RAB2A: variants seen among roughly 807,000 people sequenced by gnomAD.
RAB2A encodes the protein RAB2A, member RAS oncogene family, also known as ras-related protein Rab-2A.
A neutral mutation model predicts 32.5 loss-of-function variants in RAB2A; 7 were observed. That is an observed-to-expected ratio of 0.22 (90% CI 0.12 to 0.40). RAB2A has a LOEUF of 0.40. Among genes scored for constraint, RAB2A ranks in the 10% least tolerant of loss-of-function variants. The pLI is 1.00. For synonymous variants in RAB2A, 79 were observed against 85.2 expected (o/e 0.93, Z 0.40); for missense variants, 108 against 260.7 (o/e 0.41, Z 4.03).
intron 6 of RAB2A, among the ~76,000 whole-genome samples, chr8:60,594,278 G>T (rs375821757): frequency 2.0e-5 from 3 of 152,074 alleles, no homozygotes; most frequent in African/African-American, 7.2e-5. Flanking sequence ...ATTGAAGACA[G>T]CCCCAAAGAG....
intron 1 of RAB2A, among the ~76,000 whole-genome samples, chr8:60,545,047 C>T (rs1807706674): frequency 2.6e-5 from 4 of 152,104 alleles, no homozygotes; most frequent in Non-Finnish European, 2.9e-5. Flanking sequence ...GCCTGACTTG[C>T]GTTTTCACAT....
chr8:60,580,560 A>T (rs2130846436), intron 3 of RAB2A, among the ~76,000 whole-genome samples: 1 of 152,340 alleles, frequency 6.6e-6, no homozygotes, highest in East Asian at 1.9e-4. Context: ...TTTATTTATT[A>T]TAAAGTAATC....
chr8:60,606,123 TG>T (rs1456431388), intron 6 of RAB2A, among the ~76,000 whole-genome samples: 1 of 151,998 alleles, frequency 6.6e-6, no homozygotes, highest in Non-Finnish European at 1.5e-5. Context: ...CACTCCAGCC[TG>T]GGTGACAGAG....
At chr8:60,588,883 TAAG>T (rs1184848569) in intron 5 of RAB2A, among the ~76,000 whole-genome samples, 4 of 152,196 alleles carry the variant, frequency 2.6e-5, no homozygotes, top group Admixed American at 2.0e-4. Context: ...GATTTGCTAT[TAAG>T]AGAAAATATT....
intron 6 of RAB2A, among the ~76,000 whole-genome samples, chr8:60,614,462 GGC>G (rs1804415227): frequency 6.6e-6 from 1 of 152,008 alleles, no homozygotes; most frequent in Admixed American, 6.6e-5. Flanking sequence ...ACATTGCCCA[GGC>G]TGGTCTCAAA....
chr8:60,542,953 C>G (rs1005621438), intron 1 of RAB2A, among the ~76,000 whole-genome samples: 5 of 152,180 alleles, frequency 3.3e-5, no homozygotes, highest in Non-Finnish European at 7.3e-5. Flanking sequence ...GAATAACTAT[C>G]TCTTCTCTTC....
intron 1 of RAB2A, among the ~76,000 whole-genome samples, chr8:60,524,831 ATTC>A (rs1377822980): frequency 6.6e-6 from 1 of 152,066 alleles, no homozygotes; most frequent in Non-Finnish European, 1.5e-5. Context: ...TCTAAAATTG[ATTC>A]TTCTTTTTCT....
At chr8:60,553,228 G>A (rs73259456) in intron 1 of RAB2A, among the ~76,000 whole-genome samples, 9,696 of 152,210 alleles carry the variant, frequency 0.064, 806 homozygotes, top group African/African-American at 0.19. Flanking sequence ...GTGATTTTGG[G>A]GGCTGGACAA....
At chr8:60,617,038 G>A (rs992688041) in intron 6 of RAB2A, among the ~76,000 whole-genome samples, 1 of 152,194 alleles carries the variant, frequency 6.6e-6, no homozygotes, top group Non-Finnish European at 1.5e-5. Flanking sequence ...TGGTAATGGA[G>A]TATAGCTTTC....
At chr8:60,599,537 C>G (rs544735936) in intron 6 of RAB2A, among the ~76,000 whole-genome samples, 6 of 152,252 alleles carry the variant, frequency 3.9e-5, no homozygotes, top group African/African-American at 1.4e-4. Flanking sequence ...TCAAGTTTTG[C>G]TTAGCCAGTC....
At chr8:60,550,488 G>A (rs556871967) in intron 1 of RAB2A, among the ~76,000 whole-genome samples, 3 of 151,608 alleles carry the variant, frequency 2.0e-5, no homozygotes, top group Non-Finnish European at 4.4e-5. Flanking sequence ...AGGTTCAAGC[G>A]ATCCTCCCAC....
intron 2 of RAB2A, among the ~76,000 whole-genome samples, chr8:60,567,730 A>T (rs1162243442): frequency 7.1e-6 from 1 of 140,530 alleles, no homozygotes; most frequent in Admixed American, 6.8e-5. Flanking sequence ...AAGTTTGGAG[A>T]TTGTATAGAT....
chr8:60,528,802 T>C (rs966781128), intron 1 of RAB2A, among the ~76,000 whole-genome samples: 9 of 152,174 alleles, frequency 5.9e-5, no homozygotes, highest in Non-Finnish European at 1.2e-4. Context: ...GTCAAACTCC[T>C]GGCCTCAAGT....
intron 3 of RAB2A, among the ~76,000 whole-genome samples, chr8:60,574,495 G>A (rs767129069): frequency 1.3e-5 from 2 of 152,218 alleles, no homozygotes; most frequent in South Asian, 2.1e-4. Flanking sequence ...TTTTGAAAAG[G>A]AAAGGTTAAT....
In RAB2A at chr8:60,620,836, G is replaced by C. The variant is rs1586121237; in HGVS notation, c.*67G>C. 7.6e-6 allele frequency: 10 copies of C among 1,318,370 alleles called. No individual in the cohort carries two copies. In the Admixed American group the frequency reaches 2.3e-4, roughly 31 times the overall value. The allele number at this position is 1,318,370 out of a possible 1,614,324, so 81.7% of individuals were successfully genotyped here. On this transcript the variant is annotated 3_prime_UTR_variant, in exon 8 of 8. Transcript: ENST00000262646. ...TTATTCTTTCACCCCCTCTCCTCCT[G>C]CTCAGCTGAGACATGAAACTATTTG...
At chr8:60,549,618 G>C (rs1807813299) in intron 1 of RAB2A, among the ~76,000 whole-genome samples, 1 of 151,890 alleles carries the variant, frequency 6.6e-6, no homozygotes, top group African/African-American at 2.4e-5. Flanking sequence ...GAAAGGGGGA[G>C]GATGTGCACA....
chr8:60,558,506 A>G (rs1031045174), intron 1 of RAB2A: 2 of 501,204 alleles, frequency 4.0e-6, no homozygotes, highest in Non-Finnish European at 7.9e-6. Flanking sequence ...TGCTTTAAAT[A>G]TTTTCACTGT....
At chr8:60,585,296 TG>T (rs1219803194) in intron 5 of RAB2A, among the ~76,000 whole-genome samples, 23 of 90,626 alleles carry the variant, frequency 2.5e-4, no homozygotes, top group African/African-American at 8.2e-4. Flanking sequence ...TGTTTTGTTT[TG>T]TTTTGTTTTG....
At chr8:60,588,964 TATC>T (rs1302024261) in intron 5 of RAB2A, among the ~76,000 whole-genome samples, 1 of 152,226 alleles carries the variant, frequency 6.6e-6, no homozygotes, top group Non-Finnish European at 1.5e-5. Flanking sequence ...AAGAAACTAT[TATC>T]ATATTCTCTG....
Sources: allele counts gnomAD v4.1 joint callset (sites outside exome capture counted in the v4.1 genomes callset), GRCh38; gene constraint gnomAD v4.1.1; transcripts MANE v1.5; gene names NCBI Gene and HGNC (gene_info 2026-07-23, HGNC 2026-07-21).